The following PAPPA variants were observed in gnomAD, a reference collection of about 807,000 sequenced individuals.
PAPPA encodes pappalysin 1.
PAPPA carries 60 observed loss-of-function variants against 164.0 expected under a neutral mutation model. The ratio of observed to expected loss-of-function variants is 0.37; its 90% CI spans 0.30 to 0.45. The LOEUF is 0.45. PAPPA is among the 20% of genes least tolerant of loss of function. PAPPA has a pLI of 1.00. For synonymous variants in PAPPA, 875 were observed against 814.1 expected, an observed-to-expected ratio of 1.07 and a Z score of -1.27; for missense variants, 1,782 against 2,087.3, an observed-to-expected ratio of 0.85 and a Z score of 2.85.
chr9:116,201,465 A>G (rs1844169918), intron 2 of PAPPA, among the ~76,000 whole-genome samples: 1 of 152,202 alleles, frequency 6.6e-6, no homozygotes, highest in African/African-American at 2.4e-5. Flanking sequence ...AGGTAAACAC[A>G]TTAATCCAGT....
In PAPPA at chr9:116,396,784, T is replaced by C. The variant is rs547318603; in HGVS notation, c.*168T>C. 5.0e-4 allele frequency: 298 copies of C among 592,974 alleles called. 5 individuals carry two copies. In the South Asian group the frequency reaches 5.9e-3, roughly 12 times the overall value. The allele number at this position is 592,974 out of a possible 1,614,324, so 36.7% of individuals were successfully genotyped here. ...CAGGAAGGACTCACATTGGGGCGAA[T>C]GAACCAAGTTTCGCCATGCTGGATG... is the stretch of plus-strand genomic sequence containing the variant. On this transcript the variant is annotated 3_prime_UTR_variant, in exon 22 of 22. Coordinates refer to ENST00000328252, the MANE Select transcript of PAPPA (RefSeq NM_002581.5).
At chr9:116,321,153 G>A (rs565741643) in intron 10 of PAPPA, among the ~76,000 whole-genome samples, 11 of 151,078 alleles carry the variant, frequency 7.3e-5, no homozygotes, top group South Asian at 2.1e-4. Flanking sequence ...TCAGCCTCCC[G>A]AGTAGCTGGG....
intron 21 of PAPPA, among the ~76,000 whole-genome samples, chr9:116,384,978 T>G (rs909033873): frequency 2.1e-4 from 32 of 152,150 alleles, no homozygotes; most frequent in African/African-American, 7.2e-4. Flanking sequence ...GACAGAGAAC[T>G]TTCCAAAATG....
At chr9:116,252,511 T>G (rs546787038) in intron 7 of PAPPA, among the ~76,000 whole-genome samples, 4 of 152,168 alleles carry the variant, frequency 2.6e-5, no homozygotes. Context: ...AGGGCTGCAG[T>G]CTACTGAGTA....
intron 16 of PAPPA, among the ~76,000 whole-genome samples, chr9:116,353,181 A>C (rs1387848730): frequency 6.6e-6 from 1 of 151,926 alleles, no homozygotes; most frequent in East Asian, 1.9e-4. Flanking sequence ...TTTTTTTTTT[A>C]AGCCACAAGA....
rs1224868226 is a variant in PAPPA, at chr9:116,343,741, TTTTA to T, written c.3612-769_3612-766del. On this transcript the variant is annotated intron_variant, in intron 13 of 21. Coordinates refer to ENST00000328252, the MANE Select transcript of PAPPA (RefSeq NM_002581.5). ...ATTTACAACATCAGCTACCACTTATTTTTATTTATTTATTTATTTATTTATTTAT... is the reference window on the plus strand; with the variant it reads ...ATTTACAACATCAGCTACCACTTATTTTTATTTATTTATTTATTTATTTAT... Among the ~76,000 whole-genome samples, 134 of 142,290 alleles carry T rather than the reference TTTTA, an allele frequency of 9.4e-4. 1 individual carries two copies. Among genetic ancestry groups the T allele is most frequent in the Admixed American group, 1.2e-3 (17 of 14,152 alleles). 93.3% of individuals were successfully genotyped at this position (142,290 alleles called of 152,430 possible). A position where few individuals can be genotyped will look rare whatever the true frequency, so the allele number is the denominator to read the frequency against.
chr9:116,278,182 C>A (rs190818926), intron 9 of PAPPA, among the ~76,000 whole-genome samples: 124 of 152,308 alleles, frequency 8.1e-4, no homozygotes, highest in African/African-American at 2.8e-3. Flanking sequence ...AGATACCCAG[C>A]TGTGCCAGTT....
chr9:116,281,672 T>A (rs1224595856), intron 9 of PAPPA, among the ~76,000 whole-genome samples: 2 of 152,164 alleles, frequency 1.3e-5, no homozygotes, highest in Non-Finnish European at 1.5e-5. Context: ...GGCTACCAGG[T>A]ATTGTTAACA....
chr9:116,216,289 C>CG (rs1279615349), intron 4 of PAPPA, among the ~76,000 whole-genome samples: 1 of 152,032 alleles, frequency 6.6e-6, no homozygotes, highest in Non-Finnish European at 1.5e-5. Context: ...ATGTGGCTGA[C>CG]GGGGGGTCAG....
chr9:116,333,389 C>A (rs1201926994), intron 12 of PAPPA, among the ~76,000 whole-genome samples: 2 of 152,194 alleles, frequency 1.3e-5, no homozygotes, highest in African/African-American at 4.8e-5. Flanking sequence ...TTTCCTATGA[C>A]ACCTTCACAC....
rs187418755 is a variant in PAPPA, at chr9:116,161,464, C to A, written c.415+6877C>A. Among the ~76,000 whole-genome samples, 901 of 152,296 alleles carry A rather than the reference C, an allele frequency of 5.9e-3. 6 individuals carry two copies. The highest frequency in any genetic ancestry group is 9.7e-3 in the South Asian group (47 of 4,826). ...GACTCTGCCTCTCTCCTTCCCTTCA[C>A]CTTATTCCACTTAAATTGTGTGATT... On this transcript the variant is annotated intron_variant, in intron 1 of 21. Coordinates refer to ENST00000328252, the MANE Select transcript of PAPPA (RefSeq NM_002581.5).
chr9:116,168,416 G>T (rs1030430756), intron 1 of PAPPA, among the ~76,000 whole-genome samples: 17 of 152,146 alleles, frequency 1.1e-4, no homozygotes, highest in African/African-American at 4.1e-4. Context: ...ATGACATCAT[G>T]GTAACTGCTA....
At chr9:116,390,616 G>C (rs1846877347) in intron 21 of PAPPA, among the ~76,000 whole-genome samples, 1 of 152,106 alleles carries the variant, frequency 6.6e-6, no homozygotes, top group Non-Finnish European at 1.5e-5. Flanking sequence ...ACAACAAGCA[G>C]ATGGCTAAGC....
intron 21 of PAPPA, among the ~76,000 whole-genome samples, chr9:116,393,000 G>C (rs565988134): frequency 6.6e-6 from 1 of 152,294 alleles, no homozygotes; most frequent in South Asian, 2.1e-4. Context: ...GTTTCCTCCA[G>C]TGTTTATTTC....
At chr9:116,173,234 T>C (rs929643548) in intron 1 of PAPPA, among the ~76,000 whole-genome samples, 3 of 152,210 alleles carry the variant, frequency 2.0e-5, no homozygotes, top group Non-Finnish European at 4.4e-5. Flanking sequence ...GAGTTATTTA[T>C]AATTTATGAT....
chr9:116,171,529 G>A (rs144499515), intron 1 of PAPPA, among the ~76,000 whole-genome samples: 1 of 146,876 alleles, frequency 6.8e-6, no homozygotes, highest in African/African-American at 2.5e-5. Flanking sequence ...ACAAAGCCCA[G>A]TGTTAGCAGA....
chr9:116,272,737 T>C (rs980487124), intron 9 of PAPPA, among the ~76,000 whole-genome samples: 1 of 152,200 alleles, frequency 6.6e-6, no homozygotes, highest in Non-Finnish European at 1.5e-5. Context: ...GATTTGAATA[T>C]GGTCCGGTCC....
At chr9:116,269,259 C>T (rs184077327) in intron 8 of PAPPA, among the ~76,000 whole-genome samples, 78 of 152,272 alleles carry the variant, frequency 5.1e-4, no homozygotes, top group African/African-American at 1.9e-3. Context: ...GAGGTTTTCT[C>T]AAGCTTCCAC....
At chr9:116,175,624 CATTT>C (rs1250530944) in intron 1 of PAPPA, among the ~76,000 whole-genome samples, 2 of 152,142 alleles carry the variant, frequency 1.3e-5, no homozygotes, top group African/African-American at 4.8e-5. Context: ...ATAAATCTTT[CATTT>C]ATTTATCCAT....
Sources: allele counts gnomAD v4.1 joint callset (sites outside exome capture counted in the v4.1 genomes callset), GRCh38; gene constraint gnomAD v4.1.1; transcripts MANE v1.5; gene names NCBI Gene and HGNC (gene_info 2026-07-23, HGNC 2026-07-21).